Variants in TPRKB observed in about 807,000 individuals in gnomAD.
TPRKB encodes the protein TP53RK binding protein, also known as EKC/KEOPS complex subunit TPRKB.
TPRKB carries 11 observed loss-of-function variants against 17.8 expected under a neutral mutation model. That is an observed-to-expected ratio of 0.62 (90% CI 0.39 to 1.02). The LOEUF (loss-of-function observed/expected upper bound fraction) is 1.02. Among genes scored for constraint, TPRKB ranks in the 50% least tolerant of loss-of-function variants. The pLI is 0.00. For synonymous variants in TPRKB, 71 were observed against 69.5 expected (o/e 1.02, Z -0.11); for missense variants, 228 against 198.0 (o/e 1.15, Z -0.91).
chr2:73,734,401 C>A, intron 2 of TPRKB, 28 bp downstream of exon 2: 5 of 1,593,174 alleles, frequency 3.1e-6, no homozygotes, highest in Admixed American at 1.8e-5. Flanking sequence ...ACCCAGCAGG[C>A]TCATTCATTC....
At chr2:73,733,449 C>T (rs868091382) in intron 2 of TPRKB, among the ~76,000 whole-genome samples, 4 of 151,914 alleles carry the variant, frequency 2.6e-5, no homozygotes, top group East Asian at 3.9e-4. Flanking sequence ...AGTAGAGACA[C>T]GGTTTCACTA....
At position 73,732,116 on chromosome 2, in the gene TPRKB, A is replaced by G. The variant is rs767300757; in HGVS notation, c.264+47T>C. 5.0e-6 allele frequency: 8 copies of G among 1,592,558 alleles called. No homozygotes were observed. The Admixed American group carries it at 5.2e-5, about 10-fold the overall frequency. Reference sequence around the variant, plus strand: ...CCTCCAACCCAACACTGAGGAACACATATGTTATTATGACACGGTCAACAG... The same window carrying G: ...CCTCCAACCCAACACTGAGGAACACGTATGTTATTATGACACGGTCAACAG... On this transcript the variant is annotated intron_variant, in intron 3 of 4. Coordinates refer to ENST00000272424, the MANE Select transcript of TPRKB (RefSeq NM_016058.5).
intron 2 of TPRKB, among the ~76,000 whole-genome samples, chr2:73,733,443 G>C (rs1265237870): frequency 6.6e-6 from 1 of 151,962 alleles, no homozygotes; most frequent in African/African-American, 2.4e-5. Flanking sequence ...ATTTTTAGTA[G>C]AGACACGGTT....
At chr2:73,733,290 G>A (rs1344068305) in intron 2 of TPRKB, among the ~76,000 whole-genome samples, 5 of 123,692 alleles carry the variant, frequency 4.0e-5, no homozygotes, top group Non-Finnish European at 6.4e-5. Context: ...AGAGTCTCTC[G>A]CTCCATTGCC....
Position 73,732,262 on chromosome 2 carries a change from A to G in TPRKB, c.165T>C (p.Leu55=). 2.5e-6 allele frequency: 4 copies of G among 1,614,012 alleles called. No individual in the cohort carries two copies. Among genetic ancestry groups the G allele is most frequent in the Non-Finnish European group, 3.4e-6 (4 of 1,179,964 alleles). ...PTVIVDPFQI[L]VAANKAVHLY... Reference sequence around the variant, plus strand: ...GGTGAACTGCTTTGTTTGCTGCCACAAGTATCTGAAATGGATCAACAATCT... The same window carrying G: ...GGTGAACTGCTTTGTTTGCTGCCACGAGTATCTGAAATGGATCAACAATCT... The change falls in exon 3 of 5, where the codon CTT becomes CTC. Residue 55 remains leucine (L), a synonymous_variant. Transcript: ENST00000272424.
In TPRKB at chr2:73,730,744, A is replaced by G. The variant is rs1671566785; in HGVS notation, c.265-8T>C. On this transcript the variant is annotated splice_region_variant and splice_polypyrimidine_tract_variant and intron_variant, in intron 3 of 4. Transcript: ENST00000272424. ...TTTCAAAGCCTCTGAAATCTAAGAG[A>G]AAAAAAATGAAAAAAAAAACACAAG... The G allele has an allele frequency of 1.4e-6, 2 of 1,470,410 alleles. No homozygotes were observed. The highest frequency in any genetic ancestry group is 2.6e-5 in the East Asian group (1 of 39,016). 91.1% of individuals were successfully genotyped at this position (1,470,410 alleles called of 1,614,324 possible).
chr2:73,733,254 GTTTTTTTTTTTTTTT>G, intron 2 of TPRKB, among the ~76,000 whole-genome samples: 1 of 133,840 alleles, frequency 7.5e-6, no homozygotes, highest in African/African-American at 2.9e-5. Flanking sequence ...CTGTTTTTTT[GTTTTTTTTTTTTTTT>G]GGAGACAGAC....
chr2:73,732,407 T>C, intron 2 of TPRKB, 122 bp from the exon 3 acceptor site: 2 of 1,162,016 alleles, frequency 1.7e-6, no homozygotes, highest in Non-Finnish European at 1.2e-6. Context: ...TCTTACGGTC[T>C]GTATTTTCAA....
At chr2:73,731,995 C>T in intron 3 of TPRKB, 168 bp downstream of exon 3, 2 of 695,526 alleles carry the variant, frequency 2.9e-6, no homozygotes, top group East Asian at 5.5e-5. Context: ...TGTAAACTGT[C>T]TTAGTAAGAG....
chr2:73,734,823 G>C (rs943978849), intron 1 of TPRKB, among the ~76,000 whole-genome samples: 20 of 152,238 alleles, frequency 1.3e-4, no homozygotes, highest in Non-Finnish European at 4.4e-5. Context: ...GTTGCTGTTT[G>C]TTCAGATGAG....
At chr2:73,736,385 G>A (rs541017014) in intron 1 of TPRKB, among the ~76,000 whole-genome samples, 2 of 151,896 alleles carry the variant, frequency 1.3e-5, no homozygotes, top group East Asian at 1.9e-4. Flanking sequence ...ATTTTGTTAT[G>A]TATGTTCTGA....
chr2:73,730,219 C>A, intron 4 of TPRKB, 190 bp from the exon 5 acceptor site: 1 of 613,428 alleles, frequency 1.6e-6, no homozygotes, highest in Non-Finnish European at 2.4e-6. Context: ...TAAATTGCTG[C>A]TATGGGAGTA....
In TPRKB at chr2:73,734,443, T is replaced by A. The variant is rs749345783; in HGVS notation, c.127A>T (p.Ile43Leu). ...TTTATATTTACCACTGTAGGATTTA[T>A]CAGTGATCCATCGATGGTGCCTTCC... ...AMEGTIDGSL[I>L]NPTVIVDPFQ... is the part of the protein sequence containing the mutation. The change falls in exon 2 of 5, where the codon ATA becomes TTA. Residue 43 changes from isoleucine to leucine, a missense_variant. By Grantham distance (5) the Ile-to-Leu change is conservative. Coordinates refer to ENST00000272424, the MANE Select transcript of TPRKB (RefSeq NM_016058.5). 6.2e-7 allele frequency: 1 copy of A among 1,612,768 alleles called. No individual in the cohort carries two copies. The highest frequency in any genetic ancestry group is 1.1e-5 in the South Asian group (1 of 90,756).
At chr2:73,736,618 T>A (rs935171755) in intron 1 of TPRKB, among the ~76,000 whole-genome samples, 1 of 152,206 alleles carries the variant, frequency 6.6e-6, no homozygotes, top group African/African-American at 2.4e-5. Flanking sequence ...AATTTTCACC[T>A]GCTAAATATA....
Position 73,730,697 on chromosome 2 carries a change from C to A in TPRKB, c.304G>T (p.Asp102Tyr). ...ATGTAAACAATTAGAATTGAAGTGT[C>A]ATTTGCTGAGATACCAAATTTTTTC... ...ALKKFGISANDTSILIVYIEE... is the reference protein window; with the variant it reads ...ALKKFGISANYTSILIVYIEE... The change falls in exon 4 of 5, where the codon GAC (aspartate) becomes TAC (tyrosine). Residue 102 changes from aspartate to tyrosine, a missense_variant. Physicochemically the swap from Asp to Tyr is radical, Grantham distance 160 (BLOSUM62 -3). Transcript: ENST00000272424. The A allele has an allele frequency of 6.5e-7, 1 of 1,533,538 alleles. No individual in the cohort carries two copies. The allele number at this position is 1,533,538 out of a possible 1,614,324, so 95.0% of individuals were successfully genotyped here.
In TPRKB at chr2:73,730,753, G is replaced by GAAA; in HGVS notation, c.265-20_265-18dup. 2.3e-6 allele frequency: 3 copies of GAAA among 1,302,098 alleles called. No homozygotes were observed. The highest frequency in any genetic ancestry group is 2.0e-6 in the Non-Finnish European group (2 of 987,782). The allele number at this position is 1,302,098 out of a possible 1,614,324, so 80.7% of individuals were successfully genotyped here. ...CTCTGAAATCTAAGAGAAAAAAAAT[G>GAAA]AAAAAAAAAACACAAGATCATTAAC... On this transcript the variant is annotated splice_polypyrimidine_tract_variant and intron_variant, in intron 3 of 4. Transcript: ENST00000272424.
intron 2 of TPRKB, among the ~76,000 whole-genome samples, chr2:73,733,254 G>GTT (rs756367573): frequency 3.0e-5 from 4 of 133,858 alleles, no homozygotes; most frequent in Non-Finnish European, 3.1e-5. Context: ...CTGTTTTTTT[G>GTT]TTTTTTTTTT....
At chr2:73,736,415 C>CA (rs1227379705) in intron 1 of TPRKB, among the ~76,000 whole-genome samples, 1 of 152,002 alleles carries the variant, frequency 6.6e-6, no homozygotes, top group African/African-American at 2.4e-5. Context: ...AGTAAGCACA[C>CA]AAAACATGAG....
At chr2:73,734,194 G>A (rs1287455139) in intron 2 of TPRKB, among the ~76,000 whole-genome samples, 2 of 151,744 alleles carry the variant, frequency 1.3e-5, no homozygotes, top group Non-Finnish European at 2.9e-5. Context: ...TGCCTCCAGG[G>A]TTCAAATGAT....
Sources: gnomAD v4.1 joint callset for allele counts (sites outside exome capture counted in the v4.1 genomes callset) on GRCh38, gnomAD v4.1.1 for gene constraint, MANE v1.5 for transcripts, NCBI Gene and HGNC (gene_info 2026-07-23, HGNC 2026-07-21) for gene names.